TASP1: variants seen among roughly 807,000 people sequenced by gnomAD.
The protein encoded by TASP1 is taspase 1, also known as threonine aspartase 1.
In TASP1, 16 loss-of-function variants were observed where a neutral mutation model predicts 56.6. That is an observed-to-expected ratio of 0.28 (90% CI 0.19 to 0.43). The LOEUF is 0.43. Ranked by LOEUF, TASP1 falls within the 20% of genes least tolerant of loss-of-function variation. The probability of loss-of-function intolerance (pLI) is 1.00; values close to 1 mark genes in which losing one functional copy is unlikely to be tolerated. For synonymous variants in TASP1, 179 were observed against 184.2 expected (o/e 0.97, Z 0.23); for missense variants, 393 against 511.6 (o/e 0.77, Z 2.24).
the TASP1 span, among the ~76,000 whole-genome samples, chr20:13,260,346 C>T: frequency 1.3e-5 from 2 of 152,154 alleles, no homozygotes; most frequent in African/African-American, 2.4e-5. Context: ...GTCTCAGCTT[C>T]GAGTCTTTGA....
rs190267258 is a variant in TASP1, at chr20:13,571,754, C to T, written c.489-2168G>A. On this transcript the variant is annotated intron_variant, in intron 6 of 13. Transcript: ENST00000337743. The stretch of plus-strand genomic sequence containing the variant: ...TAAAAACTAGGGTCTTTTTAAAAAT[C>T]TACAAGCTCCCATGGAATCTGATCC... Among the ~76,000 whole-genome samples the T allele has an allele frequency of 3.7e-3, 563 of 152,280 alleles. 4 individuals carry two copies. The highest frequency in any genetic ancestry group is 4.5e-3 in the Non-Finnish European group (309 of 68,022).
the TASP1 span, among the ~76,000 whole-genome samples, chr20:13,336,919 CTG>C: frequency 6.6e-6 from 1 of 152,214 alleles, no homozygotes; most frequent in Non-Finnish European, 1.5e-5. Context: ...GAGCCACACT[CTG>C]TCTACTGGAT....
chr20:13,355,604 G>C, the TASP1 span, among the ~76,000 whole-genome samples: 1 of 152,154 alleles, frequency 6.6e-6, no homozygotes, highest in Non-Finnish European at 1.5e-5. Context: ...CACTACACAT[G>C]ACTGAGGAAT....
chr20:13,207,058 C>T, the TASP1 span, among the ~76,000 whole-genome samples: 1 of 152,144 alleles, frequency 6.6e-6, no homozygotes, highest in Non-Finnish European at 1.5e-5. Context: ...GACAATTCAG[C>T]TCATTTTTCT....
chr20:13,334,638 A>AT, the TASP1 span, among the ~76,000 whole-genome samples: 1 of 152,178 alleles, frequency 6.6e-6, no homozygotes, highest in Non-Finnish European at 1.5e-5. Context: ...GAAATTTACT[A>AT]TTTTTCTAGA....
chr20:13,338,531 C>T, the TASP1 span, among the ~76,000 whole-genome samples: 1 of 152,176 alleles, frequency 6.6e-6, no homozygotes, highest in Non-Finnish European at 1.5e-5. Flanking sequence ...GATGGACTTG[C>T]TCTGGTTCAA....
intron 5 of TASP1, among the ~76,000 whole-genome samples, chr20:13,584,922 C>T (rs2047249535): frequency 6.6e-6 from 1 of 151,904 alleles, no homozygotes; most frequent in African/African-American, 2.4e-5. Flanking sequence ...AAAGAAAACC[C>T]CGTTAATTTG....
At chr20:13,461,773 T>C (rs923531018) in intron 11 of TASP1, among the ~76,000 whole-genome samples, 2 of 152,152 alleles carry the variant, frequency 1.3e-5, no homozygotes, top group Admixed American at 6.5e-5. Context: ...ACATGAGCAT[T>C]AAAGCCTTAA....
the TASP1 span, among the ~76,000 whole-genome samples, chr20:13,185,180 C>T: frequency 6.6e-6 from 1 of 151,844 alleles, no homozygotes; most frequent in Non-Finnish European, 1.5e-5. Context: ...CAGAGTAAAT[C>T]CATAATAAAG....
the TASP1 span, among the ~76,000 whole-genome samples, chr20:13,246,925 C>G: frequency 6.6e-6 from 1 of 151,586 alleles, no homozygotes; most frequent in Non-Finnish European, 1.5e-5. Context: ...GGGAGCAAGA[C>G]AGAGATTTAA....
chr20:13,165,099 T>TACACACACAC, the TASP1 span: 242 of 374,646 alleles, frequency 6.5e-4, no homozygotes, highest in African/African-American at 4.7e-3. Flanking sequence ...CTACTAGAAA[T>TACACACACAC]ACACACACAC....
the TASP1 span, among the ~76,000 whole-genome samples, chr20:13,127,542 C>G: frequency 1.3e-5 from 2 of 152,182 alleles, no homozygotes; most frequent in African/African-American, 4.8e-5. Flanking sequence ...GTATGGGGTA[C>G]TCCATCAGTT....
intron 8 of TASP1, among the ~76,000 whole-genome samples, chr20:13,544,048 T>G (rs1460742338): frequency 6.6e-6 from 1 of 152,180 alleles, no homozygotes; most frequent in Admixed American, 6.6e-5. Flanking sequence ...CCACACCCAT[T>G]TCTCGTAATA....
At chr20:13,329,270 T>A in the TASP1 span, among the ~76,000 whole-genome samples, 38 of 152,248 alleles carry the variant, frequency 2.5e-4, no homozygotes, top group Non-Finnish European at 4.6e-4. Flanking sequence ...AGGAGGTAAG[T>A]CAGGTAAAAT....
the TASP1 span, chr20:13,126,539 C>A: frequency 6.2e-7 from 1 of 1,602,092 alleles, no homozygotes; most frequent in Admixed American, 1.7e-5. Context: ...ATTCCCACCA[C>A]CAGTGTTGAG....
At chr20:13,572,702 A>AAAC (rs2046761882) in intron 6 of TASP1, among the ~76,000 whole-genome samples, 1 of 151,556 alleles carries the variant, frequency 6.6e-6, no homozygotes, top group South Asian at 2.1e-4. Context: ...AAAAAAAAAA[A>AAAC]AAACTCTCAA....
chr20:13,191,138 C>T, the TASP1 span, among the ~76,000 whole-genome samples: 6 of 151,914 alleles, frequency 3.9e-5, no homozygotes, highest in East Asian at 3.8e-4. Flanking sequence ...ATACTGTTAG[C>T]GGGAATATAA....
At chr20:13,311,371 C>T in the TASP1 span, among the ~76,000 whole-genome samples, 1 of 152,106 alleles carries the variant, frequency 6.6e-6, no homozygotes, top group Non-Finnish European at 1.5e-5. Context: ...TGGGAAACAG[C>T]ATGAAAGCTC....
At chr20:13,577,633 C>T (rs2046969644) in intron 6 of TASP1, among the ~76,000 whole-genome samples, 1 of 152,132 alleles carries the variant, frequency 6.6e-6, no homozygotes, top group African/African-American at 2.4e-5. Flanking sequence ...CTTCCCTACA[C>T]CCCTATCTCT....
Sources: gnomAD v4.1 joint callset for allele counts (sites outside exome capture counted in the v4.1 genomes callset) on GRCh38, gnomAD v4.1.1 for gene constraint, MANE v1.5 for transcripts, NCBI Gene and HGNC (gene_info 2026-07-23, HGNC 2026-07-21) for gene names.